The following NALCN variants were observed in gnomAD, a reference collection of about 807,000 sequenced individuals.
NALCN encodes sodium leak channel, non-selective, also known as sodium leak channel NALCN.
A neutral mutation model predicts 225.3 loss-of-function variants in NALCN; 111 were observed. The ratio of observed to expected loss-of-function variants is 0.49; its 90% CI spans 0.42 to 0.58. The LOEUF is 0.58. Among genes scored for constraint, NALCN ranks in the 20% least tolerant of loss-of-function variants. NALCN has a pLI of 0.00. For missense variants in NALCN, 1,378 were observed against 2,202.4 expected, an observed-to-expected ratio of 0.63 and a Z score of 7.49; for synonymous variants, 764 against 769.0, an observed-to-expected ratio of 0.99 and a Z score of 0.11.
At chr13:101,068,528 G>A (rs1484824835) in intron 38 of NALCN, among the ~76,000 whole-genome samples, 167 bp downstream of exon 38, 6 of 152,194 alleles carry the variant, frequency 3.9e-5, no homozygotes, top group East Asian at 3.9e-4. Context: ...TGTCATTTAC[G>A]TGCCTTTCAA....
At chr13:101,105,033 T>C in intron 22 of NALCN, 83 bp from the exon 23 acceptor site, 1 of 1,223,960 alleles carries the variant, frequency 8.2e-7, no homozygotes, top group Admixed American at 1.8e-5. Context: ...AAACATCTCA[T>C]CTACCTAAAA....
At chr13:101,073,529 A>G (rs2033042072) in intron 37 of NALCN, 55 bp downstream of exon 37, 1 of 1,428,502 alleles carries the variant, frequency 7.0e-7, no homozygotes. Flanking sequence ...ATTGTGTTGC[A>G]AGAGTTTCAT....
intron 6 of NALCN, among the ~76,000 whole-genome samples, chr13:101,364,431 C>T (rs2046328776): frequency 6.6e-6 from 1 of 152,256 alleles, no homozygotes; most frequent in Non-Finnish European, 1.5e-5. Flanking sequence ...ACGTTTGCAG[C>T]TGCATGGACA....
At chr13:101,206,805 T>C (rs1203868127) in intron 13 of NALCN, among the ~76,000 whole-genome samples, 3 of 151,632 alleles carry the variant, frequency 2.0e-5, no homozygotes, top group South Asian at 4.1e-4. Context: ...TATCAGTTTG[T>C]TTCTAGGCAT....
intron 6 of NALCN, among the ~76,000 whole-genome samples, chr13:101,370,523 G>C (rs2046510220): frequency 6.6e-6 from 1 of 152,198 alleles, no homozygotes; most frequent in Non-Finnish European, 1.5e-5. Flanking sequence ...TGTAAAGCCA[G>C]ATTGTAATTT....
At chr13:101,354,114 C>T (rs375613828) in intron 6 of NALCN, among the ~76,000 whole-genome samples, 25 of 152,228 alleles carry the variant, frequency 1.6e-4, no homozygotes, top group Admixed American at 3.3e-4. Flanking sequence ...GAGGCCGAGG[C>T]GGGCGGATCA....
chr13:101,103,449 T>C, intron 25 of NALCN, 110 bp from the exon 26 acceptor site: 1 of 1,274,010 alleles, frequency 7.8e-7, no homozygotes, highest in South Asian at 1.5e-5. Context: ...TTCCACTCAC[T>C]GGTTGTACGT....
intron 7 of NALCN, among the ~76,000 whole-genome samples, chr13:101,322,318 T>C (rs1312652228): frequency 1.3e-5 from 2 of 152,158 alleles, no homozygotes; most frequent in East Asian, 3.9e-4. Flanking sequence ...GATGTGTAAA[T>C]GATCGTGTGC....
intron 1 of NALCN, among the ~76,000 whole-genome samples, chr13:101,401,111 C>T (rs1306750195): frequency 3.3e-5 from 5 of 152,066 alleles, no homozygotes; most frequent in Admixed American, 3.3e-4. Context: ...CCTCCTATTC[C>T]CAGAAGAAAA....
intron 17 of NALCN, among the ~76,000 whole-genome samples, chr13:101,128,170 A>G (rs1282274389): frequency 6.6e-6 from 1 of 152,258 alleles, no homozygotes; most frequent in Non-Finnish European, 1.5e-5. Context: ...GAAAAAAGTC[A>G]AAGATTCGTT....
At position 101,239,881 on chromosome 13, in the gene NALCN, C is replaced by G. The variant is rs114023163; in HGVS notation, c.1267-1959G>C. Among the ~76,000 whole-genome samples the G allele has an allele frequency of 2.2e-3, 333 of 152,172 alleles. 2 individuals are homozygous for G. Among genetic ancestry groups the G allele is most frequent in the African/African-American group, 7.7e-3 (321 of 41,550 alleles). On this transcript the variant is annotated intron_variant, in intron 11 of 43. Transcript: ENST00000251127. ...GCAATACAGGAAAGTTATCTTGTCT[C>G]AAATCCATGCCAGTATCAGTGTAAT... is the stretch of plus-strand genomic sequence containing the variant.
chr13:101,090,849 C>T (rs1197972255), intron 28 of NALCN, among the ~76,000 whole-genome samples: 3 of 152,114 alleles, frequency 2.0e-5, no homozygotes, highest in Admixed American at 2.0e-4. Flanking sequence ...GTAATTTTTC[C>T]AACCTATGAC....
chr13:101,201,880 T>C (rs2040137172), intron 13 of NALCN, among the ~76,000 whole-genome samples: 1 of 152,186 alleles, frequency 6.6e-6, no homozygotes, highest in African/African-American at 2.4e-5. Context: ...TACTTGATGA[T>C]TTATATAGTA....
At chr13:101,215,701 AATTT>A (rs972874033) in intron 13 of NALCN, among the ~76,000 whole-genome samples, 5 of 150,260 alleles carry the variant, frequency 3.3e-5, no homozygotes, top group Admixed American at 6.6e-5. Flanking sequence ...CCTATTTATT[AATTT>A]ATTTATTAAT....
chr13:101,409,801 T>C (rs1216293128), intron 1 of NALCN, among the ~76,000 whole-genome samples: 1 of 152,196 alleles, frequency 6.6e-6, no homozygotes, highest in East Asian at 1.9e-4. Flanking sequence ...TGGTTTAAAA[T>C]AGTAATTCCT....
intron 13 of NALCN, among the ~76,000 whole-genome samples, chr13:101,227,119 G>C (rs1338667582): frequency 1.3e-5 from 2 of 152,102 alleles, no homozygotes; most frequent in African/African-American, 4.8e-5. Context: ...AGTCTTGATT[G>C]TAACTTTCAG....
intron 10 of NALCN, among the ~76,000 whole-genome samples, chr13:101,281,577 G>A (rs1470528017): frequency 6.6e-6 from 1 of 152,136 alleles, no homozygotes; most frequent in African/African-American, 2.4e-5. Context: ...AGGATGGAAG[G>A]AGGACCACAA....
chr13:101,332,397 C>CAAA (rs753158247), intron 7 of NALCN, among the ~76,000 whole-genome samples: 3,740 of 57,178 alleles, frequency 0.065, 139 homozygotes, highest in African/African-American at 0.17. Context: ...TTCACAAAGC[C>CAAA]AAAAAAAAAA....
At chr13:101,333,803 C>T (rs1017898564) in intron 7 of NALCN, among the ~76,000 whole-genome samples, 7 of 152,148 alleles carry the variant, frequency 4.6e-5, no homozygotes, top group Admixed American at 6.5e-5. Context: ...AGGCTGCTGT[C>T]GCCAGCAGAG....
Sources: gnomAD v4.1 joint callset for allele counts (sites outside exome capture counted in the v4.1 genomes callset) on GRCh38, gnomAD v4.1.1 for gene constraint, MANE v1.5 for transcripts, NCBI Gene and HGNC (gene_info 2026-07-23, HGNC 2026-07-21) for gene names.